Variants in DCLK1 observed in about 807,000 individuals in gnomAD.
The protein encoded by DCLK1 is doublecortin like kinase 1.
A neutral mutation model predicts 86.2 loss-of-function variants in DCLK1; 16 were observed. The ratio of observed to expected loss-of-function variants is 0.19; its 90% CI spans 0.13 to 0.28. The LOEUF is 0.28. Ranked by LOEUF, DCLK1 falls within the 10% of genes least tolerant of loss-of-function variation. DCLK1 has a pLI of 1.00. For missense variants in DCLK1, 590 were observed against 940.2 expected (o/e 0.63, Z 4.87); for synonymous variants, 369 against 370.5 (o/e 1.00, Z 0.05).
At chr13:36,040,070 T>A (rs1190428648) in intron 3 of DCLK1, among the ~76,000 whole-genome samples, 1 of 151,882 alleles carries the variant, frequency 6.6e-6, no homozygotes, top group East Asian at 2.0e-4. Context: ...GACCTTAAAC[T>A]GTAAAATTAT....
chr13:36,051,880 C>T (rs528710694), intron 3 of DCLK1, among the ~76,000 whole-genome samples: 57 of 152,012 alleles, frequency 3.7e-4, no homozygotes, highest in African/African-American at 5.3e-4. Context: ...CTATGTTTAC[C>T]GATTAATAAA....
intron 3 of DCLK1, among the ~76,000 whole-genome samples, chr13:35,980,887 G>A (rs1184782442): frequency 2.0e-5 from 3 of 151,846 alleles, no homozygotes; most frequent in Non-Finnish European, 4.4e-5. Context: ...TAAACTCCTG[G>A]GCTCAAGTGA....
chr13:35,956,982 T>C (rs1878023088), intron 3 of DCLK1, among the ~76,000 whole-genome samples: 1 of 152,158 alleles, frequency 6.6e-6, no homozygotes, highest in Non-Finnish European at 1.5e-5. Context: ...CAAAAAAGAT[T>C]TTCAAATGTT....
At chr13:36,128,401 T>A (rs1886261090) in intron 1 of DCLK1, among the ~76,000 whole-genome samples, 1 of 152,186 alleles carries the variant, frequency 6.6e-6, no homozygotes, top group Non-Finnish European at 1.5e-5. Context: ...AAAGCTGGTG[T>A]TTTCCATCCC....
intron 4 of DCLK1, among the ~76,000 whole-genome samples, chr13:35,904,736 G>A (rs955590479): frequency 1.3e-5 from 2 of 152,202 alleles, no homozygotes; most frequent in Admixed American, 6.5e-5. Flanking sequence ...CAAGCAAAGT[G>A]GGAAGCTTTT....
intron 15 of DCLK1, among the ~76,000 whole-genome samples, chr13:35,795,599 TG>T (rs1290925115): frequency 1.3e-5 from 2 of 152,094 alleles, no homozygotes; most frequent in East Asian, 3.9e-4. Context: ...GTGAATTGAA[TG>T]GTGTATATAA....
chr13:35,995,452 C>T (rs374859402), intron 3 of DCLK1, among the ~76,000 whole-genome samples: 1 of 152,158 alleles, frequency 6.6e-6, no homozygotes, highest in Non-Finnish European at 1.5e-5. Context: ...ACAAGGAAAC[C>T]AATCTGGTAG....
chr13:36,024,085 G>A (rs142264503), intron 3 of DCLK1, among the ~76,000 whole-genome samples: 2,383 of 151,502 alleles, frequency 0.016, 36 homozygotes, highest in Middle Eastern at 0.048. Flanking sequence ...TAGTAGAGGC[G>A]GGGTTTCACC....
At chr13:36,090,654 C>T (rs773676133) in intron 3 of DCLK1, among the ~76,000 whole-genome samples, 12 of 152,266 alleles carry the variant, frequency 7.9e-5, no homozygotes, top group Middle Eastern at 3.4e-3. Context: ...CCAGGCCCAC[C>T]GTGAGAGCTT....
chr13:35,777,951 T>A (rs921483392), intron 16 of DCLK1, among the ~76,000 whole-genome samples: 4 of 152,236 alleles, frequency 2.6e-5, no homozygotes, highest in Non-Finnish European at 5.9e-5. Context: ...TTAACTGTTT[T>A]CCCTACCACT....
intron 4 of DCLK1, among the ~76,000 whole-genome samples, chr13:35,938,767 G>A (rs567749155): frequency 1.3e-5 from 2 of 152,140 alleles, no homozygotes; most frequent in South Asian, 2.1e-4. Context: ...AAGGGGAGGG[G>A]AAGCTGATGA....
intron 12 of DCLK1, 123 bp downstream of exon 12, chr13:35,810,712 A>G (rs1472355260): frequency 1.6e-6 from 2 of 1,223,918 alleles, no homozygotes; most frequent in East Asian, 2.6e-5. Context: ...AATTTTAAAA[A>G]GAGTGGAAGA....
intron 5 of DCLK1, among the ~76,000 whole-genome samples, chr13:35,858,751 A>G (rs977135959): frequency 6.6e-6 from 1 of 152,206 alleles, no homozygotes; most frequent in African/African-American, 2.4e-5. Flanking sequence ...CAGTGCTTCT[A>G]TTTGCATCGC....
chr13:35,812,289 A>C (rs964755728), intron 11 of DCLK1, among the ~76,000 whole-genome samples: 4 of 150,860 alleles, frequency 2.7e-5, no homozygotes, highest in African/African-American at 9.9e-5. Flanking sequence ...AGAAAACCAC[A>C]GTAAAAGGCT....
rs185762717 is a variant in DCLK1, at chr13:35,996,224, C to G, written c.724-48767G>C. 1.4e-4 allele frequency among the ~76,000 whole-genome samples: 22 copies of G among 152,310 alleles called. No homozygotes were observed. In the East Asian group the frequency reaches 3.5e-3, roughly 24 times the overall value. On this transcript the variant is annotated intron_variant, in intron 3 of 16. Transcript: ENST00000360631. ...GATTCTAGGCGTAAGCCACTGCACC[C>G]TGCCAACCTATTTTAGTTGTAAATA...
At chr13:35,984,668 CAG>C (rs1879814037) in intron 3 of DCLK1, among the ~76,000 whole-genome samples, 1 of 152,186 alleles carries the variant, frequency 6.6e-6, no homozygotes, top group Admixed American at 6.5e-5. Context: ...TAATATTCTG[CAG>C]AGAGGAGAAA....
chr13:35,847,183 T>A, intron 6 of DCLK1: 1 of 971,644 alleles, frequency 1.0e-6, no homozygotes, highest in Non-Finnish European at 1.2e-6. Context: ...TAACACAATA[T>A]TGGATTTAGC....
intron 16 of DCLK1, chr13:35,788,324 T>C: frequency 1.3e-6 from 2 of 1,592,298 alleles, no homozygotes; most frequent in South Asian, 1.1e-5. Context: ...TGGATCAGCA[T>C]TGTGCTAAAG....
intron 2 of DCLK1, among the ~76,000 whole-genome samples, chr13:36,116,987 A>G (rs1307912619): frequency 6.6e-6 from 1 of 152,180 alleles, no homozygotes. Flanking sequence ...TCATTGAGCT[A>G]TTAAAGGCAA....
Sources: gnomAD v4.1 joint callset for allele counts (sites outside exome capture counted in the v4.1 genomes callset) on GRCh38, gnomAD v4.1.1 for gene constraint, MANE v1.5 for transcripts, NCBI Gene and HGNC (gene_info 2026-07-23, HGNC 2026-07-21) for gene names.